The following DMD variants were observed in gnomAD, a reference collection of about 807,000 sequenced individuals.
The protein encoded by DMD is mutant dystrophin.
DMD carries 63 observed loss-of-function variants against 330.1 expected under a neutral mutation model. That is an observed-to-expected ratio of 0.19 (90% CI 0.16 to 0.24). DMD has a LOEUF of 0.24. Ranked by LOEUF, DMD falls within the 10% of genes least tolerant of loss-of-function variation. The probability of loss-of-function intolerance (pLI) is 1.00; values close to 1 mark genes in which losing one functional copy is unlikely to be tolerated. For synonymous variants in DMD, 1,223 were observed against 959.8 expected (o/e 1.27, Z -5.07); for missense variants, 3,344 against 2,684.1 (o/e 1.25, Z -5.43).
intron 13 of DMD, among the ~76,000 whole-genome samples, chrX:32,585,084 G>A (rs1399980359): frequency 9.0e-6 from 1 of 111,019 alleles, no homozygotes; most frequent in Non-Finnish European, 1.9e-5. Flanking sequence ...AAATAAGCAG[G>A]CACAGAAAGA....
intron 1 of DMD, among the ~76,000 whole-genome samples, chrX:33,041,977 A>G (rs1304729882): frequency 9.0e-6 from 1 of 111,144 alleles, no homozygotes; most frequent in Non-Finnish European, 1.9e-5. Context: ...ATCCCATCAT[A>G]TAGATAAGAA....
At chrX:31,641,467 A>C (rs977501253) in intron 54 of DMD, among the ~76,000 whole-genome samples, 16 of 103,607 alleles carry the variant, frequency 1.5e-4, no homozygotes, top group Non-Finnish European at 2.6e-4. Flanking sequence ...GCACCACTGC[A>C]CTACAGCCTG....
At chrX:31,765,896 T>A (rs2089962704) in intron 51 of DMD, among the ~76,000 whole-genome samples, 1 of 111,104 alleles carries the variant, frequency 9.0e-6, no homozygotes, top group Admixed American at 9.6e-5. Context: ...AAAGACAATT[T>A]GTTGAACGAA....
At chrX:32,153,327 C>T (rs922211398) in intron 44 of DMD, among the ~76,000 whole-genome samples, 19 of 111,156 alleles carry the variant, frequency 1.7e-4, no homozygotes, top group African/African-American at 5.2e-4. Context: ...TTTACCAAAT[C>T]GTATATAGCT....
At chrX:32,612,920 A>C (rs1439237370) in intron 12 of DMD, among the ~76,000 whole-genome samples, 1 of 111,362 alleles carries the variant, frequency 9.0e-6, no homozygotes, top group African/African-American at 3.3e-5. Context: ...AACTTAAAAA[A>C]AACTCTAGAA....
chrX:32,719,036 T>G (rs2065999506), intron 7 of DMD, among the ~76,000 whole-genome samples: 1 of 111,703 alleles, frequency 9.0e-6, no homozygotes, highest in African/African-American at 3.3e-5. Flanking sequence ...ATTACCTACA[T>G]ATATAGTTAC....
intron 60 of DMD, among the ~76,000 whole-genome samples, chrX:31,405,401 A>ATGCATATTTC (rs771493668): frequency 1.4e-4 from 16 of 112,134 alleles, no homozygotes; most frequent in Admixed American, 2.8e-4. Flanking sequence ...AAATTTTTCA[A>ATGCATATTTC]TGCATATTTC....
At chrX:31,937,620 A>G (rs894149786) in intron 45 of DMD, among the ~76,000 whole-genome samples, 17 of 111,937 alleles carry the variant, frequency 1.5e-4, no homozygotes, top group Non-Finnish European at 3.0e-4. Context: ...CTCGATTTGA[A>G]GTTTTAAAAG....
At chrX:31,405,247 G>A (rs758280527) in intron 60 of DMD, among the ~76,000 whole-genome samples, 13 of 111,866 alleles carry the variant, frequency 1.2e-4, no homozygotes, top group African/African-American at 1.9e-4. Flanking sequence ...TTAACCATTC[G>A]TATCAGATGG....
At chrX:31,260,693 A>G (rs2050424782) in intron 63 of DMD, among the ~76,000 whole-genome samples, 1 of 111,703 alleles carries the variant, frequency 9.0e-6, no homozygotes, top group Non-Finnish European at 1.9e-5. Context: ...CATTTTAGGC[A>G]CCAAAGAGAA....
chrX:32,747,307 G>C (rs928948224), intron 7 of DMD, among the ~76,000 whole-genome samples: 7 of 111,957 alleles, frequency 6.3e-5, no homozygotes, highest in South Asian at 3.7e-4. Context: ...GGATTAACCT[G>C]TTTGGGACAG....
intron 11 of DMD, among the ~76,000 whole-genome samples, chrX:32,629,673 T>C (rs180698329): frequency 1.3e-3 from 141 of 111,094 alleles, no homozygotes; most frequent in African/African-American, 4.3e-3. Context: ...TTCTTATTAA[T>C]TTTTATGTAC....
intron 67 of DMD, among the ~76,000 whole-genome samples, chrX:31,193,690 C>T (rs1397476613): frequency 9.0e-6 from 1 of 111,679 alleles, no homozygotes; most frequent in Admixed American, 9.5e-5. Flanking sequence ...GTAGACACCA[C>T]CTTAACATTC....
intron 7 of DMD, among the ~76,000 whole-genome samples, chrX:32,726,847 ATAT>A (rs749509578): frequency 2.5e-4 from 28 of 110,670 alleles, no homozygotes; most frequent in Non-Finnish European, 4.2e-4. Context: ...ATGGATTCAG[ATAT>A]TATTTGAGAA....
intron 45 of DMD, among the ~76,000 whole-genome samples, chrX:31,954,477 C>T (rs1437978587): frequency 4.5e-5 from 5 of 111,473 alleles, no homozygotes; most frequent in Admixed American, 9.6e-5. Flanking sequence ...TCTCCAAATT[C>T]CACACCATTT....
chrX:32,797,977 A>T (rs762827449), intron 7 of DMD, among the ~76,000 whole-genome samples: 14 of 111,751 alleles, frequency 1.3e-4, no homozygotes, highest in Non-Finnish European at 2.3e-4. Context: ...AAATTCCCCA[A>T]CTGAGTAAGA....
chrX:31,511,339 A>ATTTATTTAT (rs1432860034), intron 55 of DMD, among the ~76,000 whole-genome samples: 1 of 81,115 alleles, frequency 1.2e-5, no homozygotes, highest in African/African-American at 4.8e-5. Flanking sequence ...TTTATTTATT[A>ATTTATTTAT]TTATTATTAT....
chrX:32,919,264 T>G (rs7061383), intron 2 of DMD, among the ~76,000 whole-genome samples: 8 of 111,268 alleles, frequency 7.2e-5, no homozygotes, highest in Non-Finnish European at 1.5e-4. Context: ...CTATGGCAAA[T>G]AGTGTTGGTT....
chrX:32,676,843 C>G (rs1012323508), intron 9 of DMD, among the ~76,000 whole-genome samples: 43 of 111,057 alleles, frequency 3.9e-4, no homozygotes, highest in African/African-American at 1.3e-3. Flanking sequence ...CCAGTTCTGC[C>G]AGTGTTAATC....
Sources: allele counts gnomAD v4.1 joint callset (sites outside exome capture counted in the v4.1 genomes callset), GRCh38; gene constraint gnomAD v4.1.1; transcripts MANE v1.5; gene names NCBI Gene and HGNC (gene_info 2026-07-23, HGNC 2026-07-21).